The following SMARCA5 variants were observed in gnomAD, a reference collection of about 807,000 sequenced individuals.
SMARCA5 encodes SNF2 related chromatin remodeling ATPase 5.
Under a neutral mutation model 140.4 loss-of-function variants are expected in SMARCA5, and 18 were observed. The ratio of observed to expected loss-of-function variants is 0.13; its 90% CI spans 0.09 to 0.19. The LOEUF (loss-of-function observed/expected upper bound fraction) is 0.19. SMARCA5 is among the 10% of genes least tolerant of loss of function. The pLI is 1.00. For synonymous variants in SMARCA5, 449 were observed against 419.6 expected (o/e 1.07, Z -0.86); for missense variants, 606 against 1,276.8 (o/e 0.47, Z 8.01).
intron 10 of SMARCA5, among the ~76,000 whole-genome samples, chr4:143,535,524 A>G (rs1245610175): frequency 2.0e-5 from 3 of 152,180 alleles, no homozygotes. Flanking sequence ...AGAACTGGGC[A>G]TGTTATCTGG....
intron 2 of SMARCA5, among the ~76,000 whole-genome samples, chr4:143,520,741 C>T (rs1736940920): frequency 6.6e-6 from 1 of 152,046 alleles, no homozygotes; most frequent in Non-Finnish European, 1.5e-5. Flanking sequence ...TAAAGGCTGC[C>T]TAATGGCTCC....
At chr4:143,520,784 G>A (rs6828728) in intron 2 of SMARCA5, among the ~76,000 whole-genome samples, 70,255 of 151,686 alleles carry the variant, frequency 0.46, 16,601 homozygotes, top group East Asian at 0.74. Flanking sequence ...ATTTGTCTTC[G>A]AGGCTCTTAA....
chr4:143,539,266 G>C (rs4690793), intron 13 of SMARCA5, among the ~76,000 whole-genome samples: 118,816 of 152,076 alleles, frequency 0.78, 46,422 homozygotes, highest in East Asian at 0.86. Flanking sequence ...CTTGATCAAA[G>C]AATTAGACAG....
At chr4:143,519,081 G>C (rs139893141) in intron 2 of SMARCA5, among the ~76,000 whole-genome samples, 12 of 151,944 alleles carry the variant, frequency 7.9e-5, no homozygotes, top group African/African-American at 2.9e-4. Context: ...ATTCTTACTG[G>C]TTTTTACCTG....
chr4:143,531,956 T>C (rs930089063), intron 9 of SMARCA5, among the ~76,000 whole-genome samples: 1 of 152,194 alleles, frequency 6.6e-6, no homozygotes, highest in Non-Finnish European at 1.5e-5. Flanking sequence ...AGCATCCTAA[T>C]ATTATAGGAC....
At chr4:143,521,653 G>A in intron 3 of SMARCA5, 58 bp downstream of exon 3, 1 of 1,396,978 alleles carries the variant, frequency 7.2e-7, no homozygotes, top group Non-Finnish European at 9.8e-7. Context: ...AGTCTTCAGT[G>A]GAAGCATAAA....
rs751099603 is a variant in SMARCA5 at position 143,555,653 on chromosome 4, T to A, written c.*2469T>A. ...GCTGGAGGCTATTATAAAGTGTAAT[T>A]ATTACTACTTTTAAGAGACAGGGTC... On this transcript the variant is annotated 3_prime_UTR_variant, in exon 24 of 24. Transcript: ENST00000283131. 19 of 248,062 alleles carry A rather than the reference T, an allele frequency of 7.7e-5. No homozygotes were observed. Among genetic ancestry groups the A allele is most frequent in the Admixed American group, 3.5e-4 (7 of 19,734 alleles). 15.4% of individuals were successfully genotyped at this position (248,062 alleles called of 1,614,324 possible). A position where few individuals can be genotyped will look rare whatever the true frequency, so the allele number is the denominator to read the frequency against.
chr4:143,517,837 A>G (rs1406648842), intron 2 of SMARCA5, among the ~76,000 whole-genome samples: 5 of 152,212 alleles, frequency 3.3e-5, no homozygotes, highest in Non-Finnish European at 7.4e-5. Flanking sequence ...ACACAGTCAA[A>G]CCATAGCAAT....
chr4:143,552,802 C>A (rs1737669780), intron 23 of SMARCA5, among the ~76,000 whole-genome samples: 1 of 151,814 alleles, frequency 6.6e-6, no homozygotes, highest in African/African-American at 2.4e-5. Context: ...TATGTAACTG[C>A]CTTTTAAAAA....
intron 4 of SMARCA5, 137 bp from the exon 5 acceptor site, chr4:143,525,314 T>C (rs530233023): frequency 3.2e-6 from 2 of 627,274 alleles, no homozygotes; most frequent in East Asian, 5.5e-5. Flanking sequence ...CTCTAGTATT[T>C]TGGAACTTGC....
At chr4:143,524,701 A>G (rs765989400) in intron 4 of SMARCA5, among the ~76,000 whole-genome samples, 1 of 152,236 alleles carries the variant, frequency 6.6e-6, no homozygotes, top group African/African-American at 2.4e-5. Context: ...GCCCTGAAGT[A>G]TATGTAAATC....
intron 22 of SMARCA5, among the ~76,000 whole-genome samples, chr4:143,549,385 G>A (rs534118645): frequency 2.6e-5 from 4 of 152,172 alleles, no homozygotes; most frequent in African/African-American, 7.2e-5. Context: ...GCAGCCGTCC[G>A]TGCAGATGGA....
chr4:143,518,085 A>G (rs1172469214), intron 2 of SMARCA5, among the ~76,000 whole-genome samples: 1 of 152,160 alleles, frequency 6.6e-6, no homozygotes, highest in Non-Finnish European at 1.5e-5. Context: ...CTTGACTAGC[A>G]TTGTACTCTG....
At position 143,553,059 on chromosome 4, in the gene SMARCA5, G is replaced by A. The variant is rs180800609; in HGVS notation, c.3094-60G>A. On this transcript the variant is annotated intron_variant, in intron 23 of 23. Transcript: ENST00000283131. ...ATTACTAAAGTGTTATAATGTGTCT[G>A]CAACTATATTTCATGTTTATATTAG... 220 of 1,251,454 alleles carry A rather than the reference G, an allele frequency of 1.8e-4. 2 individuals are homozygous for A. In the East Asian group the frequency reaches 4.6e-3, roughly 26 times the overall value. 77.5% of individuals were successfully genotyped at this position (1,251,454 alleles called of 1,614,324 possible).
At position 143,530,651 on chromosome 4, in the gene SMARCA5, CTGACACTTAACTCTTACA is replaced by C. The variant is rs532306529; in HGVS notation, c.1158+127_1158+144del. 2.4e-4 allele frequency: 146 copies of C among 606,932 alleles called. 4 individuals carry two copies. In the South Asian group the frequency reaches 2.5e-3, roughly 11 times the overall value. The allele number at this position is 606,932 out of a possible 1,614,324, so 37.6% of individuals were successfully genotyped here. Reference sequence around the variant, plus strand: ...CTTAAGAATCAGATCTGCTTGAATTCTGACACTTAACTCTTACATCTTACAATCAGTGTAGGGGGTGAT... The same window carrying C: ...CTTAAGAATCAGATCTGCTTGAATTCTCTTACAATCAGTGTAGGGGGTGAT... On this transcript the variant is annotated intron_variant, in intron 9 of 23. Transcript: ENST00000283131.
chr4:143,536,722 C>A, intron 11 of SMARCA5, 44 bp downstream of exon 11: 5 of 1,364,630 alleles, frequency 3.7e-6, no homozygotes, highest in African/African-American at 2.9e-5. Flanking sequence ...TTTTAAAATG[C>A]TCATGTTAAA....
At position 143,519,454 on chromosome 4, in the gene SMARCA5, CA is replaced by C. The variant is rs552733347; in HGVS notation, c.253-1972del. Among the ~76,000 whole-genome samples, 530 of 152,188 alleles carry C rather than the reference CA, an allele frequency of 3.5e-3. 1 individual carries two copies. Among genetic ancestry groups the C allele is most frequent in the Non-Finnish European group, 5.5e-3 (373 of 67,970 alleles). ...CCTTCCAAGTTTCTTAACATTTTTG[CA>C]AAGTGTTATTTATAACACAAATTTG... is the stretch of plus-strand genomic sequence containing the variant. On this transcript the variant is annotated intron_variant, in intron 2 of 23. Transcript: ENST00000283131.
chr4:143,555,089 C>T lies in SMARCA5; in HGVS notation c.*1905C>T, dbSNP rs1578809209. ...TTTGTTTCCTGGCAGTAATTAAAAT[C>T]TTCTGTCAGTGCCACAGCTACTACT... On this transcript the variant is annotated 3_prime_UTR_variant, in exon 24 of 24. Transcript: ENST00000283131. 1.6e-6 allele frequency: 1 copy of T among 627,434 alleles called. No individual in the cohort carries two copies. 38.9% of individuals were successfully genotyped at this position (627,434 alleles called of 1,614,324 possible).
intron 1 of SMARCA5, 72 bp from the exon 2 acceptor site, chr4:143,517,283 C>A: frequency 9.5e-7 from 1 of 1,055,044 alleles, no homozygotes; most frequent in Non-Finnish European, 1.4e-6. Flanking sequence ...GTGTTTTGGT[C>A]AGAAATTGGT....
Sources: gnomAD v4.1 joint callset for allele counts (sites outside exome capture counted in the v4.1 genomes callset) on GRCh38, gnomAD v4.1.1 for gene constraint, MANE v1.5 for transcripts, NCBI Gene and HGNC (gene_info 2026-07-23, HGNC 2026-07-21) for gene names.